ICA1: variants seen among roughly 807,000 people sequenced by gnomAD.
The protein encoded by ICA1 is 69 kDa islet cell autoantigen.
In ICA1, 40 loss-of-function variants were observed where a neutral mutation model predicts 71.0. That is an observed-to-expected ratio of 0.56 (90% CI 0.44 to 0.73). The LOEUF is 0.73. Ranked by LOEUF, ICA1 falls within the 30% of genes least tolerant of loss-of-function variation. The probability of loss-of-function intolerance (pLI) is 0.00; values close to 1 mark genes in which losing one functional copy is unlikely to be tolerated. For synonymous variants in ICA1, 207 were observed against 209.5 expected (o/e 0.99, Z 0.10); for missense variants, 578 against 576.5 (o/e 1.00, Z -0.03).
intron 8 of ICA1, among the ~76,000 whole-genome samples, chr7:8,149,916 C>T (rs755924510): frequency 6.6e-6 from 1 of 152,182 alleles, no homozygotes; most frequent in Non-Finnish European, 1.5e-5. Context: ...GTACTGGCCA[C>T]ATAATTCATG....
intron 6 of ICA1, among the ~76,000 whole-genome samples, chr7:8,211,646 C>T (rs114967163): frequency 6.6e-6 from 1 of 152,194 alleles, no homozygotes. Flanking sequence ...CACTACTCAA[C>T]TGGACACTTA....
chr7:8,128,781 G>T (rs1465564604), intron 12 of ICA1, among the ~76,000 whole-genome samples: 1 of 152,236 alleles, frequency 6.6e-6, no homozygotes, highest in Non-Finnish European at 1.5e-5. Context: ...AAGGGAAAGA[G>T]GCTGCGAGTC....
chr7:8,193,326 T>G (rs966290288), intron 6 of ICA1, among the ~76,000 whole-genome samples: 1 of 152,216 alleles, frequency 6.6e-6, no homozygotes, highest in African/African-American at 2.4e-5. Flanking sequence ...TATCTCCAAT[T>G]TGAATCCAAT....
intron 1 of ICA1, among the ~76,000 whole-genome samples, chr7:8,238,703 G>C (rs564744095): frequency 6.6e-6 from 1 of 152,146 alleles, no homozygotes; most frequent in African/African-American, 2.4e-5. Flanking sequence ...AGTTCTTATA[G>C]TATGTGTTAT....
chr7:8,207,865 G>C (rs969798222), intron 6 of ICA1, among the ~76,000 whole-genome samples: 14 of 152,144 alleles, frequency 9.2e-5, no homozygotes, highest in African/African-American at 2.9e-4. Flanking sequence ...TCTTCCGATA[G>C]CTCAAACACT....
chr7:8,221,530 G>T, intron 4 of ICA1, 132 bp from the exon 5 acceptor site: 1 of 1,005,996 alleles, frequency 9.9e-7, no homozygotes, highest in Non-Finnish European at 1.5e-6. Context: ...TAAGCGGCAG[G>T]CTACAGGGTA....
chr7:8,158,384 G>A (rs911065283), intron 7 of ICA1, 143 bp downstream of exon 7: 17 of 961,196 alleles, frequency 1.8e-5, no homozygotes, highest in Non-Finnish European at 2.3e-5. Context: ...GGCCCTAGAA[G>A]GCAGAGATGT....
chr7:8,216,164 G>A (rs911535594), intron 6 of ICA1, among the ~76,000 whole-genome samples: 8 of 152,204 alleles, frequency 5.3e-5, no homozygotes, highest in African/African-American at 1.9e-4. Context: ...GAGAAAACAT[G>A]GGTGTGGCAC....
At chr7:8,209,067 A>AAGAAAAGCCAGACAATCTGGC (rs1792681419) in intron 6 of ICA1, among the ~76,000 whole-genome samples, 1 of 152,222 alleles carries the variant, frequency 6.6e-6, no homozygotes, top group African/African-American at 2.4e-5. Flanking sequence ...AAACCTTAGG[A>AAGAAAAGCCAGACAATCTGGC]AGAAAAGCCA....
rs998065555 is a variant in ICA1 at position 8,123,855 on chromosome 7, G to A, written c.1330+4018C>T. Among the ~76,000 whole-genome samples the A allele has an allele frequency of 7.9e-5, 12 of 152,210 alleles. No homozygotes were observed. The highest frequency in any genetic ancestry group is 2.9e-4 in the African/African-American group (12 of 41,464). On this transcript the variant is annotated intron_variant, in intron 13 of 13. Coordinates refer to ENST00000402384, the MANE Select transcript of ICA1 (RefSeq NM_001136020.3). This position sits in a 1 kb window ranked among gnomAD's most constrained non-coding sequence, Gnocchi z 4.1. ...GGAATGGTGAAAGGCATGGATTCTG[G>A]AGTCCGGCTGCCTGGGCTCAAAATC...
chr7:8,256,379 C>A (rs1208264317), intron 1 of ICA1, among the ~76,000 whole-genome samples: 1 of 152,110 alleles, frequency 6.6e-6, no homozygotes, highest in Admixed American at 6.5e-5. Context: ...AAATCTTACT[C>A]TCCTCCCCAC....
chr7:8,157,354 C>T (rs1584691955), intron 7 of ICA1, 140 bp from the exon 8 acceptor site: 1 of 847,744 alleles, frequency 1.2e-6, no homozygotes. Flanking sequence ...CCATTATGCC[C>T]CCAATTACAC....
chr7:8,135,362 A>G (rs1224783822), intron 12 of ICA1, among the ~76,000 whole-genome samples: 1 of 152,128 alleles, frequency 6.6e-6, no homozygotes, highest in Non-Finnish European at 1.5e-5. Flanking sequence ...GGGTAAATCT[A>G]TAGAGAGCAC....
chr7:8,191,722 T>C (rs954349720), intron 6 of ICA1, among the ~76,000 whole-genome samples: 19 of 151,920 alleles, frequency 1.3e-4, no homozygotes, highest in African/African-American at 4.6e-4. Context: ...TTACATATTA[T>C]TATAATATTG....
At chr7:8,239,549 A>T (rs1228200913) in intron 1 of ICA1, among the ~76,000 whole-genome samples, 3 of 152,230 alleles carry the variant, frequency 2.0e-5, no homozygotes, top group Admixed American at 2.0e-4. Context: ...GGACTGGTTG[A>T]CAGTGGGTGC....
intron 6 of ICA1, among the ~76,000 whole-genome samples, chr7:8,179,149 G>A (rs1781448870): frequency 6.6e-6 from 1 of 152,176 alleles, no homozygotes; most frequent in Non-Finnish European, 1.5e-5. Flanking sequence ...CAAAGCTGTT[G>A]TCACCCGAGT....
intron 6 of ICA1, among the ~76,000 whole-genome samples, chr7:8,177,203 G>A (rs551170756): frequency 6.6e-6 from 1 of 152,146 alleles, no homozygotes; most frequent in Admixed American, 6.6e-5. Context: ...CGAGCCCATG[G>A]CAAGTCAAAT....
chr7:8,253,487 A>G (rs1281774328), intron 1 of ICA1, among the ~76,000 whole-genome samples: 3 of 152,242 alleles, frequency 2.0e-5, no homozygotes, highest in Non-Finnish European at 4.4e-5. Flanking sequence ...AAATGTATAC[A>G]TATATTTAGA....
In ICA1 at chr7:8,121,739, A is replaced by T. The variant is rs111870912; in HGVS notation, c.1330+6134T>A. Among the ~76,000 whole-genome samples, 155 of 152,360 alleles carry T rather than the reference A, an allele frequency of 1.0e-3. 2 individuals are homozygous for T. The highest frequency in any genetic ancestry group is 3.4e-3 in the African/African-American group (143 of 41,582). On this transcript the variant is annotated intron_variant, in intron 13 of 13. Coordinates refer to ENST00000402384, the MANE Select transcript of ICA1 (RefSeq NM_001136020.3). ...ACAATAATTTACAGTACATTTAAAAATAACCCAAAGAGTATAATTGGAATG... is the reference window on the plus strand; with the variant it reads ...ACAATAATTTACAGTACATTTAAAATTAACCCAAAGAGTATAATTGGAATG...
Sources: gnomAD v4.1 joint callset for allele counts (sites outside exome capture counted in the v4.1 genomes callset) on GRCh38, gnomAD v4.1.1 for gene constraint, Gnocchi (gnomAD v3.1) non-coding constraint, MANE v1.5 for transcripts, NCBI Gene and HGNC (gene_info 2026-07-23, HGNC 2026-07-21) for gene names.